AMZ1: variants seen among roughly 807,000 people sequenced by gnomAD.
The protein encoded by AMZ1 is archaemetzincin-1.
Under a neutral mutation model 29.9 loss-of-function variants are expected in AMZ1, and 39 were observed. That is an observed-to-expected ratio of 1.30 (90% CI 1.01 to 1.70). The LOEUF is 1.70. AMZ1 is among the 40% of genes most tolerant of loss of function. AMZ1 has a pLI of 0.00. For missense variants in AMZ1, 1,041 were observed against 680.6 expected, an observed-to-expected ratio of 1.53 and a Z score of -5.89; for synonymous variants, 458 against 304.0, an observed-to-expected ratio of 1.51 and a Z score of -5.27.
rs1170913482 is a variant in AMZ1, at chr7:2,715,539, C to T, written c.*2661C>T. On this transcript the variant is annotated 3_prime_UTR_variant, in exon 7 of 7. Transcript: ENST00000683327. The stretch of plus-strand genomic sequence containing the variant: ...TTTGACCCTCAGCTGTGATGTGTGT[C>T]CCAAAAAAGCGTTTTGAAGTGGGAA... 6.6e-6 allele frequency: 1 copy of T among 152,092 alleles called. No homozygotes were observed. Among genetic ancestry groups the T allele is most frequent in the Non-Finnish European group, 1.5e-5 (1 of 68,022 alleles). 9.4% of individuals were successfully genotyped at this position (152,092 alleles called of 1,614,324 possible).
downstream of AMZ1, among the ~76,000 whole-genome samples, chr7:2,721,151 GGGAGGAAGAGCAACCCA>G (rs1789404063): frequency 6.6e-6 from 1 of 152,190 alleles, no homozygotes; most frequent in African/African-American, 2.4e-5. Flanking sequence ...TGCCAATGCC[GGGAGGAAGAGCAACCCA>G]GGACGCCTGT....
At position 2,709,887 on chromosome 7, in the gene AMZ1, G is replaced by A. The variant is rs924716475; in HGVS notation, c.948+71G>A. ...GGAGGCCCGCGAGCGCCGCCTGGAG[G>A]CTACGCAGGGCATGGGGACCGCACA... On this transcript the variant is annotated intron_variant, in intron 6 of 6. Coordinates refer to ENST00000683327, the MANE Select transcript of AMZ1 (RefSeq NM_001384743.1). 6 of 1,571,230 alleles carry A rather than the reference G, an allele frequency of 3.8e-6. No individual in the cohort carries two copies. The African/African-American group carries it at 5.4e-5, about 14-fold the overall frequency.
intron 4 of AMZ1, among the ~76,000 whole-genome samples, chr7:2,754,731 A>C (rs1791209560): frequency 6.6e-6 from 1 of 152,204 alleles, no homozygotes; most frequent in Non-Finnish European, 1.5e-5. Context: ...TCCGAGCAAC[A>C]GAGTGAGACC....
At chr7:2,722,561 G>A (rs1562383861), downstream of AMZ1, among the ~76,000 whole-genome samples, 1 of 152,318 alleles carries the variant, frequency 6.6e-6, no homozygotes, top group South Asian at 2.1e-4. Context: ...GTGAGCCACC[G>A]TGCCCAGCCA....
rs1168070793 is a variant in AMZ1, at chr7:2,716,066, C to A, written c.*3188C>A. The A allele has an allele frequency of 6.6e-6, 1 of 152,204 alleles. No homozygotes were observed. Among genetic ancestry groups the A allele is most frequent in the African/African-American group, 2.4e-5 (1 of 41,440 alleles). 9.4% of individuals were successfully genotyped at this position (152,204 alleles called of 1,614,324 possible). On this transcript the variant is annotated 3_prime_UTR_variant, in exon 7 of 7. Coordinates refer to ENST00000683327, the MANE Select transcript of AMZ1 (RefSeq NM_001384743.1). The stretch of plus-strand genomic sequence containing the variant: ...ATCTTGGTAAGCCAAGTCAGCGGGG[C>A]CTCATGGAGCTAAAAATAGTTTCAG...
At chr7:2,734,018 C>G (rs1009286536) in intron 4 of AMZ1, among the ~76,000 whole-genome samples, 1 of 152,252 alleles carries the variant, frequency 6.6e-6, no homozygotes, top group Non-Finnish European at 1.5e-5. Flanking sequence ...TTCCTTCCCA[C>G]ATTTTTATGA....
At position 2,717,222 on chromosome 7, in the gene AMZ1, G is replaced by A. The variant is rs1789180106; in HGVS notation, c.*4344G>A. The stretch of plus-strand genomic sequence containing the variant: ...GTGATTGCTGGGGCTTCACTGATTT[G>A]TTTTGTTTATAAAAGGAGGGCGAGG... On this transcript the variant is annotated 3_prime_UTR_variant, in exon 7 of 7. Transcript: ENST00000683327. Among the ~76,000 whole-genome samples the A allele has an allele frequency of 1.3e-5, 2 of 152,106 alleles. No individual in the cohort carries two copies. Among genetic ancestry groups the A allele is most frequent in the African/African-American group, 4.8e-5 (2 of 41,386 alleles).
chr7:2,710,159 T>C (rs1192304487), intron 6 of AMZ1, among the ~76,000 whole-genome samples: 1 of 152,098 alleles, frequency 6.6e-6, no homozygotes, highest in African/African-American at 2.4e-5. Context: ...TCTCTTTGCT[T>C]TCCCGTCACC....
chr7:2,739,415 GC>G (rs1165781656), intron 4 of AMZ1, among the ~76,000 whole-genome samples: 1 of 152,164 alleles, frequency 6.6e-6, no homozygotes, highest in African/African-American at 2.4e-5. Context: ...TTTACTTGGT[GC>G]GGCATTTCCG....
At chr7:2,744,406 C>G (rs992787092) in intron 4 of AMZ1, among the ~76,000 whole-genome samples, 2 of 152,324 alleles carry the variant, frequency 1.3e-5, no homozygotes, top group East Asian at 1.9e-4. Context: ...CCCAAGCAAA[C>G]AGGGTCTGGA....
chr7:2,750,627 A>G (rs375953510), intron 4 of AMZ1, among the ~76,000 whole-genome samples: 9 of 152,208 alleles, frequency 5.9e-5, no homozygotes, highest in East Asian at 1.9e-4. Context: ...ACTGTACTGT[A>G]TTCATCCCCT....
At chr7:2,763,464 C>T (rs1186575693), upstream of AMZ1, 5 of 152,434 alleles carry the variant, frequency 3.3e-5, no homozygotes, top group African/African-American at 4.8e-5. Flanking sequence ...GGAAAAGCTC[C>T]CCGAGCTCCC....
upstream of AMZ1, chr7:2,762,833 T>G: frequency 6.7e-7 from 1 of 1,496,812 alleles, no homozygotes; most frequent in Non-Finnish European, 8.9e-7. Context: ...ACACACCCAG[T>G]CAGCGCGGCT....
chr7:2,757,851 G>C (rs1457032662), intron 4 of AMZ1, among the ~76,000 whole-genome samples: 1 of 152,112 alleles, frequency 6.6e-6, no homozygotes, highest in African/African-American at 2.4e-5. Context: ...TTTCAAACCT[G>C]ACTTTTTAAA....
In AMZ1 at chr7:2,712,696, C is replaced by T. The variant is rs111981479; in HGVS notation, c.1315C>T (p.Arg439Cys). ...GGACAGAGCCGTGGACGCCCTCGAC[C>T]GCTGGGAGATGTTCACGGGCCAGCT... ...QVDRAVDALD[R>C]WEMFTGQLPA... The change falls in exon 7 of 7, where the codon CGC (arginine) becomes TGC (cysteine). Residue 439 changes from arginine to cysteine, a missense_variant. Arg to Cys is a radical substitution (Grantham distance 180). Coordinates refer to ENST00000683327, the MANE Select transcript of AMZ1 (RefSeq NM_001384743.1). 11,976 of 1,611,868 alleles carry T rather than the reference C, an allele frequency of 7.4e-3. 99 individuals are homozygous for T. The highest frequency in any genetic ancestry group is 0.029 in the African/African-American group (2,168 of 74,998).
At chr7:2,710,507 C>T (rs911128133) in intron 6 of AMZ1, among the ~76,000 whole-genome samples, 5 of 152,200 alleles carry the variant, frequency 3.3e-5, no homozygotes, top group African/African-American at 4.8e-5. Flanking sequence ...CCCGTTGAGG[C>T]AAGTGGGGGT....
downstream of AMZ1, among the ~76,000 whole-genome samples, chr7:2,724,298 G>C (rs1789539336): frequency 6.6e-6 from 1 of 152,258 alleles, no homozygotes; most frequent in Non-Finnish European, 1.5e-5. Flanking sequence ...GGCCAGACCT[G>C]CGACCTGTCG....
chr7:2,680,679 G>A (rs1786849762), intron 1 of AMZ1, among the ~76,000 whole-genome samples: 2 of 152,240 alleles, frequency 1.3e-5, no homozygotes, highest in African/African-American at 2.4e-5. Context: ...TCTCTTGGAC[G>A]AAGCCGCTGG....
downstream of AMZ1, among the ~76,000 whole-genome samples, chr7:2,723,523 C>T (rs1340207528): frequency 6.6e-6 from 1 of 152,192 alleles, no homozygotes; most frequent in Non-Finnish European, 1.5e-5. Context: ...TGCATCACCC[C>T]GAGGCTGCGG....
Sources: allele counts gnomAD v4.1 joint callset (sites outside exome capture counted in the v4.1 genomes callset), GRCh38; gene constraint gnomAD v4.1.1; transcripts MANE v1.5; gene names NCBI Gene and HGNC (gene_info 2026-07-23, HGNC 2026-07-21).